The following HEBP2 variants were observed in gnomAD, a reference collection of about 807,000 sequenced individuals.
The protein encoded by HEBP2 is heme binding protein 2.
A neutral mutation model predicts 23.1 loss-of-function variants in HEBP2; 27 were observed. The ratio of observed to expected loss-of-function variants is 1.17; its 90% confidence interval spans 0.86 to 1.61. HEBP2 has a LOEUF of 1.61. Ranked by LOEUF, HEBP2 falls within the 40% of genes most tolerant of loss-of-function variation. HEBP2 has a pLI of 0.00. For missense variants in HEBP2, 245 were observed against 253.8 expected, an observed-to-expected ratio of 0.97 and a Z score of 0.24; for synonymous variants, 99 against 95.1, an observed-to-expected ratio of 1.04 and a Z score of -0.24.
intron 3 of HEBP2, among the ~76,000 whole-genome samples, chr6:138,406,671 T>C (rs1168325970): frequency 6.6e-6 from 1 of 152,198 alleles, no homozygotes; most frequent in African/African-American, 2.4e-5. Flanking sequence ...TTATTGGACA[T>C]GTTTTACAAG....
chr6:138,412,900 G>C lies in HEBP2; in HGVS notation c.440G>C (p.Ser147Thr), dbSNP rs1036711567. 1.9e-6 allele frequency: 3 copies of C among 1,613,772 alleles called. No homozygotes were observed. The South Asian group carries it at 3.3e-5, about 18-fold the overall frequency. The change falls in exon 4 of 4, where the codon AGT (serine) becomes ACT (threonine). Residue 147 changes from serine to threonine, a missense_variant. Transcript: ENST00000607197. ...TGTAGGTCTTTCGATGGATTTTCTA[G>C]TGCCCAAAAGAATCAAGAACAACTT... ...VFVRSFDGFSSAQKNQEQLLT... is the reference protein window; with the variant it reads ...VFVRSFDGFSTAQKNQEQLLT...
chr6:138,408,139 C>T (rs1375524128), intron 3 of HEBP2, among the ~76,000 whole-genome samples: 1 of 152,204 alleles, frequency 6.6e-6, no homozygotes, highest in Non-Finnish European at 1.5e-5. Flanking sequence ...CATTCATCTC[C>T]TTATCAAAGG....
At chr6:138,408,005 TC>T (rs1774679823) in intron 3 of HEBP2, among the ~76,000 whole-genome samples, 1 of 152,132 alleles carries the variant, frequency 6.6e-6, no homozygotes, top group Admixed American at 6.5e-5. Context: ...TGTTCTGCCC[TC>T]CCCAGGCACT....
At position 138,421,155 on chromosome 6, in the gene HEBP2, C is replaced by T. The variant is rs1308675096; in HGVS notation, c.*8077C>T. On this transcript the variant is annotated 3_prime_UTR_variant, in exon 4 of 4. Coordinates refer to ENST00000607197, the MANE Select transcript of HEBP2 (RefSeq NM_014320.3). The stretch of plus-strand genomic sequence containing the variant: ...GTTTCATTCAAATGACCCTCCATTC[C>T]CCCAACAACATCCTCACATCTGCCA... The T allele has an allele frequency of 6.6e-6, 1 of 152,176 alleles. No homozygotes were observed. The highest frequency in any genetic ancestry group is 2.4e-5 in the African/African-American group (1 of 41,416). The allele number at this position is 152,176 out of a possible 1,614,324, so 9.4% of individuals were successfully genotyped here.
At chr6:138,410,713 T>C (rs1383793256) in intron 3 of HEBP2, among the ~76,000 whole-genome samples, 1 of 152,202 alleles carries the variant, frequency 6.6e-6, no homozygotes, top group Non-Finnish European at 1.5e-5. Flanking sequence ...CTGGAACTCC[T>C]GACCTCAGGT....
At chr6:138,409,362 G>A (rs943188373) in intron 3 of HEBP2, among the ~76,000 whole-genome samples, 6 of 151,796 alleles carry the variant, frequency 4.0e-5, no homozygotes, top group Non-Finnish European at 8.8e-5. Flanking sequence ...TCAGCACAAT[G>A]TTCCTGACAA....
In HEBP2 at chr6:138,415,518, A is replaced by G. The variant is rs1392807542; in HGVS notation, c.*2440A>G. The G allele has an allele frequency of 6.6e-6, 1 of 152,196 alleles. No individual in the cohort carries two copies. Among genetic ancestry groups the G allele is most frequent in the Non-Finnish European group, 1.5e-5 (1 of 68,048 alleles). The allele number at this position is 152,196 out of a possible 1,614,324, so 9.4% of individuals were successfully genotyped here. A position where few individuals can be genotyped will look rare whatever the true frequency, so the allele number is the denominator to read the frequency against. ...ACAAGGACAGTGGGCTTCCATGGTT[A>G]TTGCTGAGTTGGATTGACGTCCTGC... On this transcript the variant is annotated 3_prime_UTR_variant, in exon 4 of 4. Coordinates refer to ENST00000607197, the MANE Select transcript of HEBP2 (RefSeq NM_014320.3).
intron 3 of HEBP2, among the ~76,000 whole-genome samples, chr6:138,408,095 A>C (rs969927129): frequency 1.3e-5 from 2 of 152,334 alleles, no homozygotes; most frequent in African/African-American, 4.8e-5. Context: ...ATGCTGGAGA[A>C]TAGGTCCTGG....
chr6:138,404,727 T>C, intron 1 of HEBP2, 130 bp downstream of exon 1: 1 of 542,606 alleles, frequency 1.8e-6, no homozygotes, highest in East Asian at 3.5e-5. Context: ...CCCACTATGC[T>C]ACGCAAACGA....
intron 3 of HEBP2, among the ~76,000 whole-genome samples, chr6:138,407,439 C>T (rs1774667744): frequency 6.6e-6 from 1 of 152,250 alleles, no homozygotes; most frequent in African/African-American, 2.4e-5. Context: ...CCCTCTGGGC[C>T]CACTGGGATG....
chr6:138,407,217 T>C (rs1197613921), intron 3 of HEBP2, among the ~76,000 whole-genome samples: 3 of 152,180 alleles, frequency 2.0e-5, no homozygotes, highest in Non-Finnish European at 4.4e-5. Flanking sequence ...AAATCAAATC[T>C]GAGGCTCAAG....
At chr6:138,412,146 T>A in intron 3 of HEBP2, 1 of 416,530 alleles carries the variant, frequency 2.4e-6, no homozygotes, top group East Asian at 7.4e-5. Flanking sequence ...TCTACAGGGG[T>A]GTTGGTGTAG....
At chr6:138,410,487 T>TG (rs1774726748) in intron 3 of HEBP2, among the ~76,000 whole-genome samples, 1 of 151,714 alleles carries the variant, frequency 6.6e-6, no homozygotes, top group African/African-American at 2.4e-5. Flanking sequence ...TTCTTTTTTT[T>TG]TTTTTTTTTC....
At position 138,413,090 on chromosome 6, in the gene HEBP2, G is replaced by A; in HGVS notation, c.*12G>A. The A allele has an allele frequency of 6.2e-7, 1 of 1,607,300 alleles. No individual in the cohort carries two copies. The highest frequency in any genetic ancestry group is 8.5e-7 in the Non-Finnish European group (1 of 1,175,192). On this transcript the variant is annotated 3_prime_UTR_variant, in exon 4 of 4. Transcript: ENST00000607197. Reference sequence around the variant, plus strand: ...AAGAAAACGAATGAGAAAAATGAAAGGAAGTTCTGCTGTCAGAGGCAAAAC... The same window carrying A: ...AAGAAAACGAATGAGAAAAATGAAAAGAAGTTCTGCTGTCAGAGGCAAAAC...
chr6:138,404,747 G>T, intron 1 of HEBP2, 150 bp downstream of exon 1: 2 of 489,568 alleles, frequency 4.1e-6, no homozygotes, highest in Non-Finnish European at 3.3e-6. Context: ...AGAAACCCCG[G>T]TCATTTAGCT....
chr6:138,406,337 C>T (rs1440820236), intron 3 of HEBP2, among the ~76,000 whole-genome samples, 186 bp downstream of exon 3: 2 of 152,190 alleles, frequency 1.3e-5, no homozygotes, highest in African/African-American at 4.8e-5. Context: ...AGATAATAAT[C>T]ACTTCATTTA....
intron 3 of HEBP2, chr6:138,412,193 T>G (rs1162953272): frequency 5.5e-6 from 2 of 366,636 alleles, no homozygotes; most frequent in African/African-American, 4.4e-5. Flanking sequence ...ATGTGGGAGC[T>G]CGGAGGAAAT....
chr6:138,405,941 A>G (rs888248225), intron 2 of HEBP2, 30 bp from the exon 3 acceptor site: 4 of 1,586,682 alleles, frequency 2.5e-6, no homozygotes, highest in Non-Finnish European at 3.4e-6. Flanking sequence ...TCAAAAATAC[A>G]CTAAATTTGC....
chr6:138,416,198 C>G lies in HEBP2; in HGVS notation c.*3120C>G, dbSNP rs1300004640. ...CTAGATAAAGGAGAGGGTATATTGACTTGGGGCTCTCAGGATAGAGGATTT... is the reference window on the plus strand; with the variant it reads ...CTAGATAAAGGAGAGGGTATATTGAGTTGGGGCTCTCAGGATAGAGGATTT... On this transcript the variant is annotated 3_prime_UTR_variant, in exon 4 of 4. Coordinates refer to ENST00000607197, the MANE Select transcript of HEBP2 (RefSeq NM_014320.3). The G allele has an allele frequency of 6.6e-6, 1 of 152,202 alleles. No individual in the cohort carries two copies. Among genetic ancestry groups the G allele is most frequent in the Non-Finnish European group, 1.5e-5 (1 of 68,124 alleles). 9.4% of individuals were successfully genotyped at this position (152,202 alleles called of 1,614,324 possible). A position where few individuals can be genotyped will look rare whatever the true frequency, so the allele number is the denominator to read the frequency against.
Sources: gnomAD v4.1 joint callset for allele counts (sites outside exome capture counted in the v4.1 genomes callset) on GRCh38, gnomAD v4.1.1 for gene constraint, MANE v1.5 for transcripts, NCBI Gene and HGNC (gene_info 2026-07-23, HGNC 2026-07-21) for gene names.